FKBP6: variants seen among roughly 807,000 people sequenced by gnomAD.
FKBP6 encodes FKBP prolyl isomerase family member 6 (inactive).
A neutral mutation model predicts 41.7 loss-of-function variants in FKBP6; 29 were observed. The ratio of observed to expected loss-of-function variants is 0.70; its 90% CI spans 0.52 to 0.95. The LOEUF is 0.95. Among genes scored for constraint, FKBP6 ranks in the 40% least tolerant of loss-of-function variants. FKBP6 has a pLI of 0.00. For synonymous variants in FKBP6, 130 were observed against 165.1 expected, an observed-to-expected ratio of 0.79 and a Z score of 1.63; for missense variants, 338 against 408.7, an observed-to-expected ratio of 0.83 and a Z score of 1.49.
At chr7:73,357,681 G>A (rs1805673066) in intron 8 of FKBP6, among the ~76,000 whole-genome samples, 1 of 152,010 alleles carries the variant, frequency 6.6e-6, no homozygotes, top group Non-Finnish European at 1.5e-5. Context: ...TCCTTTGGTT[G>A]TATTGGGGTA....
Position 73,328,708 on chromosome 7 carries a change from G to A in FKBP6, c.175+16G>A. On this transcript the variant is annotated intron_variant, in intron 2 of 8. Coordinates refer to ENST00000252037, the MANE Select transcript of FKBP6 (RefSeq NM_003602.5). ...TCGGTGCTAGGTACGCCCTGGGGCG[G>A]TTTGTCCTCAGGATCCATGTCATCG... 1.2e-6 allele frequency: 2 copies of A among 1,612,028 alleles called. No individual in the cohort carries two copies. Among genetic ancestry groups the A allele is most frequent in the African/African-American group, 1.3e-5 (1 of 74,988 alleles).
chr7:73,339,781 T>C (rs2353065), intron 5 of FKBP6, among the ~76,000 whole-genome samples: 20,747 of 151,968 alleles, frequency 0.14, 1,622 homozygotes, highest in East Asian at 0.28. Context: ...ACCCAGCTGA[T>C]TTCGTATTTT....
chr7:73,334,944 A>T (rs892334480), intron 5 of FKBP6, among the ~76,000 whole-genome samples: 2 of 152,186 alleles, frequency 1.3e-5, no homozygotes, highest in Admixed American at 1.3e-4. Context: ...TTGTAGTCCA[A>T]GATGAGGGTC....
rs782210894 is a variant in FKBP6, at chr7:73,341,358, A to G, written c.869A>G (p.Asn290Ser). The G allele has an allele frequency of 1.9e-5, 30 of 1,611,218 alleles. No homozygotes were observed. The highest frequency in any genetic ancestry group is 2.4e-5 in the Non-Finnish European group (28 of 1,177,424). The change falls in exon 7 of 9, where the codon AAT (asparagine) becomes AGT (serine). Residue 290 changes from asparagine to serine, a missense_variant. Coordinates refer to ENST00000252037, the MANE Select transcript of FKBP6 (RefSeq NM_003602.5). ...QKEQPFNHDI[N>S]NELKKLASCY... ...GAGCAACCCTTCAATCATGACATCAATAATGAGCTGAAGAAACTGGCTAGG... is the reference window on the plus strand; with the variant it reads ...GAGCAACCCTTCAATCATGACATCAGTAATGAGCTGAAGAAACTGGCTAGG...
At chr7:73,337,126 C>T (rs1805028643) in intron 5 of FKBP6, 6 of 273,522 alleles carry the variant, frequency 2.2e-5, no homozygotes, top group Non-Finnish European at 4.4e-5. Flanking sequence ...AGGGTTCAGG[C>T]GTGAGGTTCC....
chr7:73,348,935 T>A, intron 8 of FKBP6, among the ~76,000 whole-genome samples: 1 of 151,546 alleles, frequency 6.6e-6, no homozygotes, highest in East Asian at 1.9e-4. Flanking sequence ...TGAAACTCCT[T>A]CTCTACCAAA....
At chr7:73,330,503 T>A in intron 4 of FKBP6, 151 bp downstream of exon 4, 1 of 690,910 alleles carries the variant, frequency 1.4e-6, no homozygotes, top group Non-Finnish European at 2.6e-6. Flanking sequence ...GTTCCTCTGC[T>A]TCCTAGTCTG....
chr7:73,352,059 G>A (rs1472891345), intron 8 of FKBP6, among the ~76,000 whole-genome samples: 1 of 152,130 alleles, frequency 6.6e-6, no homozygotes, highest in Non-Finnish European at 1.5e-5. Context: ...GCAGCCTCCT[G>A]GGCTCAGGCA....
intron 8 of FKBP6, among the ~76,000 whole-genome samples, chr7:73,343,619 G>A (rs1353330467): frequency 1.3e-5 from 2 of 152,138 alleles, no homozygotes; most frequent in Non-Finnish European, 2.9e-5. Context: ...ACAGGGAGCG[G>A]AATATAGCAT....
chr7:73,351,108 C>A (rs1005006844), intron 8 of FKBP6, among the ~76,000 whole-genome samples: 2 of 151,932 alleles, frequency 1.3e-5, no homozygotes, highest in African/African-American at 4.8e-5. Flanking sequence ...TAGATGGAGT[C>A]TTGCTCTGTC....
At chr7:73,350,751 T>C (rs1245572249) in intron 8 of FKBP6, among the ~76,000 whole-genome samples, 2 of 152,184 alleles carry the variant, frequency 1.3e-5, no homozygotes, top group African/African-American at 4.8e-5. Context: ...GGCTCAGAGC[T>C]GGCCTGAGGT....
chr7:73,328,698 C>T lies in FKBP6; in HGVS notation c.175+6C>T. ...GCCTGATGCTTCGGTGCTAGGTACG[C>T]CCTGGGGCGGTTTGTCCTCAGGATC... On this transcript the variant is annotated splice_donor_region_variant and intron_variant, in intron 2 of 8. Coordinates refer to ENST00000252037, the MANE Select transcript of FKBP6 (RefSeq NM_003602.5). 6.2e-7 allele frequency: 1 copy of T among 1,611,916 alleles called. No individual in the cohort carries two copies. Among genetic ancestry groups the T allele is most frequent in the Non-Finnish European group, 8.5e-7 (1 of 1,179,826 alleles).
At chr7:73,351,717 C>G (rs548548838) in intron 8 of FKBP6, among the ~76,000 whole-genome samples, 16 of 152,326 alleles carry the variant, frequency 1.1e-4, no homozygotes, top group African/African-American at 3.1e-4. Context: ...AACCCTGCTT[C>G]CTGCTAAGAT....
At chr7:73,339,980 G>A (rs768906386) in intron 5 of FKBP6, among the ~76,000 whole-genome samples, 4 of 152,236 alleles carry the variant, frequency 2.6e-5, no homozygotes, top group Non-Finnish European at 4.4e-5. Context: ...TGGTAGGGTT[G>A]CATGAATATG....
chr7:73,352,178 G>A (rs879968719), intron 8 of FKBP6, among the ~76,000 whole-genome samples: 1 of 152,104 alleles, frequency 6.6e-6, no homozygotes, highest in Non-Finnish European at 1.5e-5. Flanking sequence ...TTCCTAGGCT[G>A]ATCTCGATCT....
intron 5 of FKBP6, chr7:73,336,969 G>A: frequency 3.3e-6 from 1 of 300,484 alleles, no homozygotes; most frequent in South Asian, 2.7e-5. Context: ...CCTGGTCTGA[G>A]AAAAAAATTT....
chr7:73,345,262 TG>T (rs1285218696), intron 8 of FKBP6, among the ~76,000 whole-genome samples: 2 of 149,568 alleles, frequency 1.3e-5, no homozygotes, highest in Non-Finnish European at 3.0e-5. Flanking sequence ...GAAGGGGTCC[TG>T]GGAGTGGCTC....
chr7:73,338,230 T>C lies in FKBP6; in HGVS notation c.589-2408T>C, dbSNP rs532513064. Among the ~76,000 whole-genome samples the C allele has an allele frequency of 7.2e-5, 11 of 152,316 alleles. No homozygotes were observed. In the East Asian group the frequency reaches 2.1e-3, roughly 29 times the overall value. On this transcript the variant is annotated intron_variant, in intron 5 of 8. Coordinates refer to ENST00000252037, the MANE Select transcript of FKBP6 (RefSeq NM_003602.5). ...TAGTAGAGACAGGGTGTCACCATGTTGGCCAGGCTGGTCTTGAACTTCTGA... is the reference window on the plus strand; with the variant it reads ...TAGTAGAGACAGGGTGTCACCATGTCGGCCAGGCTGGTCTTGAACTTCTGA...
intron 8 of FKBP6, among the ~76,000 whole-genome samples, chr7:73,343,311 G>A (rs1192653737): frequency 2.0e-5 from 3 of 152,118 alleles, no homozygotes; most frequent in African/African-American, 4.8e-5. Context: ...GTGAGCCGTG[G>A]CGCTCAGCCT....
Sources: gnomAD v4.1 joint callset for allele counts (sites outside exome capture counted in the v4.1 genomes callset) on GRCh38, gnomAD v4.1.1 for gene constraint, MANE v1.5 for transcripts, NCBI Gene and HGNC (gene_info 2026-07-23, HGNC 2026-07-21) for gene names.